The following LINGO2 variants were observed in gnomAD, a reference collection of about 807,000 sequenced individuals.
LINGO2 encodes leucine-rich repeat and immunoglobulin-like domain-containing nogo receptor-interacting protein 2.
A neutral mutation model predicts 30.6 loss-of-function variants in LINGO2; 14 were observed. That is an observed-to-expected ratio of 0.46 (90% CI 0.30 to 0.72). The LOEUF (loss-of-function observed/expected upper bound fraction) is 0.72, where lower values mean the gene tolerates loss of function less well. Among genes scored for constraint, LINGO2 ranks in the 30% least tolerant of loss-of-function variants. The pLI is 0.07. For synonymous variants in LINGO2, 317 were observed against 288.5 expected, an observed-to-expected ratio of 1.10 and a Z score of -1.00; for missense variants, 729 against 751.7, an observed-to-expected ratio of 0.97 and a Z score of 0.35.
the LINGO2 span, among the ~76,000 whole-genome samples, chr9:29,112,216 G>A: frequency 1.4e-5 from 2 of 141,404 alleles, no homozygotes; most frequent in Admixed American, 1.4e-4. Context: ...ATTGCTCAGA[G>A]CAATTAAGAA....
At chr9:28,880,462 G>A in the LINGO2 span, among the ~76,000 whole-genome samples, 7 of 152,144 alleles carry the variant, frequency 4.6e-5, no homozygotes, top group African/African-American at 1.7e-4. Flanking sequence ...AATATACTTG[G>A]TAAAAGTCAT....
chr9:28,685,826 C>T, the LINGO2 span, among the ~76,000 whole-genome samples: 45 of 152,128 alleles, frequency 3.0e-4, no homozygotes, highest in African/African-American at 9.4e-4. Flanking sequence ...TCTAGACATA[C>T]GTATTTCCTC....
chr9:28,664,191 A>T (rs1828700601), intron 1 of LINGO2, among the ~76,000 whole-genome samples: 1 of 152,190 alleles, frequency 6.6e-6, no homozygotes, highest in Non-Finnish European at 1.5e-5. Flanking sequence ...GGATAAAATT[A>T]GTACCTACTA....
rs141151588 is a variant in LINGO2 at position 28,221,298 on chromosome 9, TA to T, written c.-87+73909del. On this transcript the variant is annotated intron_variant, in intron 4 of 5. Transcript: ENST00000379992. ...CTGGGTGACAGAGCCAGACCCCGTC[TA>T]AAAAAAAAAAAAAAAAAAAAAAAAA... 1.7e-3 allele frequency among the ~76,000 whole-genome samples: 145 copies of T among 83,724 alleles called. 1 individual carries two copies. The highest frequency in any genetic ancestry group is 5.8e-3 in the African/African-American group (116 of 19,920). The allele number at this position is 83,724 out of a possible 152,430, so 54.9% of individuals were successfully genotyped here.
At chr9:28,733,636 C>T in the LINGO2 span, among the ~76,000 whole-genome samples, 3 of 152,154 alleles carry the variant, frequency 2.0e-5, no homozygotes, top group South Asian at 2.1e-4. Context: ...GTGAGTGTCA[C>T]TAGGGTTGCG....
At chr9:28,839,535 C>T in the LINGO2 span, among the ~76,000 whole-genome samples, 1 of 152,018 alleles carries the variant, frequency 6.6e-6, no homozygotes, top group Non-Finnish European at 1.5e-5. Context: ...CAGGTCGTCC[C>T]CACATCTGCT....
intron 4 of LINGO2, among the ~76,000 whole-genome samples, chr9:28,052,036 C>T (rs1232026673): frequency 6.6e-6 from 1 of 152,052 alleles, no homozygotes; most frequent in Non-Finnish European, 1.5e-5. Flanking sequence ...TTGCACTATG[C>T]TCTCTGCGTT....
At chr9:28,180,921 A>T (rs980085423) in intron 4 of LINGO2, among the ~76,000 whole-genome samples, 2 of 152,154 alleles carry the variant, frequency 1.3e-5, no homozygotes, top group African/African-American at 4.8e-5. Context: ...CACATAGTCA[A>T]ATTGATAACC....
intron 1 of LINGO2, among the ~76,000 whole-genome samples, chr9:28,595,010 G>A (rs1825107402): frequency 6.6e-6 from 1 of 152,034 alleles, no homozygotes; most frequent in East Asian, 1.9e-4. Flanking sequence ...TAAATTCACA[G>A]TCATTACCTG....
At chr9:28,060,240 A>G (rs143078690) in intron 4 of LINGO2, among the ~76,000 whole-genome samples, 2 of 152,270 alleles carry the variant, frequency 1.3e-5, no homozygotes, top group Non-Finnish European at 2.9e-5. Flanking sequence ...CAAACAGTTG[A>G]ATTCAGATCA....
intron 1 of LINGO2, among the ~76,000 whole-genome samples, chr9:28,572,711 C>G (rs1367114996): frequency 1.3e-5 from 2 of 152,060 alleles, no homozygotes; most frequent in South Asian, 2.1e-4. Flanking sequence ...GTGAAGGGGT[C>G]TGACAGTGAC....
chr9:28,926,648 T>A, the LINGO2 span, among the ~76,000 whole-genome samples: 1 of 152,316 alleles, frequency 6.6e-6, no homozygotes, highest in East Asian at 1.9e-4. Flanking sequence ...CTTGCTTTTT[T>A]TAATATGGTT....
At chr9:28,257,230 C>T (rs550304725) in intron 4 of LINGO2, among the ~76,000 whole-genome samples, 1 of 151,834 alleles carries the variant, frequency 6.6e-6, no homozygotes, top group East Asian at 1.9e-4. Flanking sequence ...TAGCATAAAG[C>T]GTCTCTTAGA....
chr9:28,182,225 G>A (rs141132908), intron 4 of LINGO2, among the ~76,000 whole-genome samples: 2 of 152,000 alleles, frequency 1.3e-5, no homozygotes, highest in Non-Finnish European at 2.9e-5. Context: ...AGGATCTCCT[G>A]TTCAATAAAT....
intron 3 of LINGO2, among the ~76,000 whole-genome samples, chr9:28,296,358 T>C (rs1005755574): frequency 2.0e-5 from 3 of 152,144 alleles, no homozygotes; most frequent in South Asian, 2.1e-4. Context: ...GTAATACATA[T>C]ACAGAAGCAA....
chr9:28,371,354 T>C (rs10968538), intron 3 of LINGO2, among the ~76,000 whole-genome samples: 13,961 of 152,172 alleles, frequency 0.092, 904 homozygotes, highest in Middle Eastern at 0.2. Flanking sequence ...GTATGTCTCA[T>C]TGTTCTGGAG....
At chr9:28,267,103 C>A (rs1268119409) in intron 4 of LINGO2, among the ~76,000 whole-genome samples, 1 of 151,816 alleles carries the variant, frequency 6.6e-6, no homozygotes, top group African/African-American at 2.4e-5. Context: ...GGAGGATGAG[C>A]AAGAAAACGT....
At chr9:28,811,246 T>C in the LINGO2 span, among the ~76,000 whole-genome samples, 3 of 152,240 alleles carry the variant, frequency 2.0e-5, no homozygotes, top group South Asian at 2.1e-4. Context: ...CCAAATCATA[T>C]CTTGAAACCA....
chr9:28,025,152 T>C (rs940913072), intron 4 of LINGO2, among the ~76,000 whole-genome samples: 1 of 152,200 alleles, frequency 6.6e-6, no homozygotes, highest in Non-Finnish European at 1.5e-5. Context: ...CACTGCTTGC[T>C]CCTACCCTTT....
Sources: allele counts gnomAD v4.1 joint callset (sites outside exome capture counted in the v4.1 genomes callset), GRCh38; gene constraint gnomAD v4.1.1; transcripts MANE v1.5; gene names NCBI Gene and HGNC (gene_info 2026-07-23, HGNC 2026-07-21).